SENP2: variants seen among roughly 807,000 people sequenced by gnomAD.
SENP2 encodes sentrin-specific protease 2.
SENP2 carries 16 observed loss-of-function variants against 86.3 expected under a neutral mutation model. That is an observed-to-expected ratio of 0.19 (90% CI 0.13 to 0.28). The LOEUF is 0.28. Ranked by LOEUF, SENP2 falls within the 10% of genes least tolerant of loss-of-function variation. The pLI, the probability that SENP2 is intolerant of heterozygous loss-of-function variation, is 1.00. For missense variants in SENP2, 552 were observed against 703.0 expected (o/e 0.79, Z 2.43); for synonymous variants, 222 against 238.7 (o/e 0.93, Z 0.64).
chr3:185,590,160 C>T lies in SENP2; in HGVS notation c.148C>T (p.Pro50Ser), dbSNP rs1278460749. The change falls in exon 2 of 17, where the codon CCA becomes TCA. Residue 50 changes from proline (P) to serine (S), a missense_variant. Physicochemically the swap from Pro to Ser is moderately conservative, Grantham distance 74. Transcript: ENST00000296257. ...VDTDEIPAKR[P>S]RLDCFIHQVK... ...CACTGATGAAATACCAGCCAAAAGA[C>T]CAAGATTAGGTACTGAATATAAATT... 5.8e-6 allele frequency: 9 copies of T among 1,546,630 alleles called. No individual in the cohort carries two copies. The Admixed American group carries it at 1.7e-4, about 29-fold the overall frequency.
intron 5 of SENP2, 106 bp downstream of exon 5, chr3:185,600,961 C>G: frequency 2.8e-6 from 2 of 705,240 alleles, no homozygotes; most frequent in East Asian, 2.7e-5. Flanking sequence ...GCTAAGCGCT[C>G]TGAGGTTAGT....
At position 185,594,346 on chromosome 3, in the gene SENP2, C is replaced by T. The variant is rs573088961; in HGVS notation, c.158-4066C>T. On this transcript the variant is annotated intron_variant, in intron 2 of 16. Transcript: ENST00000296257. ...AAGGGAATCTAAACCAAAGGGTAAGCGGTGGGTAGCAGAGTTTGTAAAGGC... is the reference window on the plus strand; with the variant it reads ...AAGGGAATCTAAACCAAAGGGTAAGTGGTGGGTAGCAGAGTTTGTAAAGGC... 5.9e-5 allele frequency among the ~76,000 whole-genome samples: 9 copies of T among 152,188 alleles called. No individual in the cohort carries two copies. The South Asian group carries it at 1.0e-3, about 18-fold the overall frequency.
chr3:185,612,154 C>CAA (rs1000368377), intron 8 of SENP2: 51 of 82,218 alleles, frequency 6.2e-4, no homozygotes, highest in East Asian at 1.2e-3. Flanking sequence ...GACTCTGTCT[C>CAA]AAAAAAAAAA....
intron 4 of SENP2, among the ~76,000 whole-genome samples, chr3:185,600,420 G>A (rs989467669): frequency 6.6e-6 from 1 of 152,112 alleles, no homozygotes; most frequent in South Asian, 2.1e-4. Flanking sequence ...CCAAACATAC[G>A]GCTGGTTTGA....
At chr3:185,595,106 A>G (rs1258868463) in intron 2 of SENP2, among the ~76,000 whole-genome samples, 4 of 152,170 alleles carry the variant, frequency 2.6e-5, no homozygotes, top group Non-Finnish European at 2.9e-5. Flanking sequence ...TCTTTTCCCC[A>G]TTTTACAGAT....
At chr3:185,588,616 G>T (rs949695673) in intron 1 of SENP2, among the ~76,000 whole-genome samples, 4 of 152,186 alleles carry the variant, frequency 2.6e-5, no homozygotes, top group Non-Finnish European at 5.9e-5. Context: ...TGATGAGATT[G>T]GTTGTTGGCT....
intron 2 of SENP2, among the ~76,000 whole-genome samples, chr3:185,595,448 T>C (rs1722145984): frequency 1.3e-5 from 2 of 152,184 alleles, no homozygotes; most frequent in Non-Finnish European, 2.9e-5. Context: ...TACTTATAAC[T>C]ATTAGCAAAT....
rs1304495080 is a variant in SENP2, at chr3:185,633,445, T to C, written c.*3601T>C. 6.6e-6 allele frequency: 1 copy of C among 152,226 alleles called. No homozygotes were observed. Among genetic ancestry groups the C allele is most frequent in the African/African-American group, 2.4e-5 (1 of 41,462 alleles). The allele number at this position is 152,226 out of a possible 1,614,324, so 9.4% of individuals were successfully genotyped here. A position where few individuals can be genotyped will look rare whatever the true frequency, so the allele number is the denominator to read the frequency against. The stretch of plus-strand genomic sequence containing the variant: ...GTAGCTGGCTGTAGTATTGCTTTGA[T>C]AATTTTTTTCTTTTAATTTACCTAA... On this transcript the variant is annotated 3_prime_UTR_variant, in exon 17 of 17. Transcript: ENST00000296257.
Position 185,600,769 on chromosome 3 carries a change from T to G in SENP2, c.363T>G (p.Asn121Lys), listed in dbSNP as rs752472233. 1 of 1,591,072 alleles carries G rather than the reference T, an allele frequency of 6.3e-7. No homozygotes were observed. The highest frequency in any genetic ancestry group is 1.3e-5 in the African/African-American group (1 of 74,358). ...ACAAATGCATTTTTTAAATAGGTAA[T>G]AAATCTCCTAATGGAATAAGTGACT... ...GSWNNMLKLGNKSPNGISDYP... is the reference protein window; with the variant it reads ...GSWNNMLKLGKKSPNGISDYP... The change falls in exon 5 of 17, where the codon AAT becomes AAG. Residue 121 changes from asparagine (N) to lysine (K), a missense_variant. Physicochemically the swap from Asn to Lys is moderately conservative, Grantham distance 94. Transcript: ENST00000296257.
intron 2 of SENP2, among the ~76,000 whole-genome samples, chr3:185,590,899 T>C (rs942810776): frequency 4.0e-3 from 364 of 91,558 alleles, no homozygotes; most frequent in East Asian, 7.8e-3. Flanking sequence ...AAAGAAAGTC[T>C]CCTTTTTTTT....
chr3:185,607,120 A>C (rs1722540041), intron 6 of SENP2, among the ~76,000 whole-genome samples: 1 of 151,620 alleles, frequency 6.6e-6, no homozygotes, highest in Non-Finnish European at 1.5e-5. Context: ...TAAAGTATGT[A>C]CGGTAACTAA....
chr3:185,616,775 C>CAAAAA (rs34897313), intron 11 of SENP2, among the ~76,000 whole-genome samples: 3 of 122,078 alleles, frequency 2.5e-5, no homozygotes, highest in South Asian at 2.8e-4. Flanking sequence ...ACTCCGTCTC[C>CAAAAA]AAAAAAAAAA....
At position 185,629,905 on chromosome 3, in the gene SENP2, T is replaced by A; in HGVS notation, c.*61T>A. ...TCTTTCACAGACATTTCCATATACC[T>A]CATGCATTGTGGGTTAAAAAGTCCC... is the stretch of plus-strand genomic sequence containing the variant. On this transcript the variant is annotated 3_prime_UTR_variant, in exon 17 of 17. Transcript: ENST00000296257. 1 of 1,518,052 alleles carries A rather than the reference T, an allele frequency of 6.6e-7. No homozygotes were observed. Among genetic ancestry groups the A allele is most frequent in the South Asian group, 1.1e-5 (1 of 89,022 alleles). The allele number at this position is 1,518,052 out of a possible 1,614,324, so 94.0% of individuals were successfully genotyped here. A position where few individuals can be genotyped will look rare whatever the true frequency, so the allele number is the denominator to read the frequency against.
At chr3:185,623,886 A>G in intron 14 of SENP2, 112 bp from the exon 15 acceptor site, 1 of 486,520 alleles carries the variant, frequency 2.1e-6, no homozygotes, top group Non-Finnish European at 3.5e-6. Context: ...AAGCTAATGA[A>G]TATGGATTTG....
rs779958086 is a variant in SENP2, at chr3:185,598,559, A to T, written c.291+14A>T. 6.2e-7 allele frequency: 1 copy of T among 1,611,948 alleles called. No individual in the cohort carries two copies. The highest frequency in any genetic ancestry group is 1.1e-5 in the South Asian group (1 of 90,980). ...CCTTCAGGAGAGGTCAGTGGGGATG[A>T]GACTCCATTAGGAATACTGATCTTT... On this transcript the variant is annotated intron_variant, in intron 3 of 16. Coordinates refer to ENST00000296257, the MANE Select transcript of SENP2 (RefSeq NM_021627.3).
At chr3:185,608,134 A>G (rs1443243065) in intron 6 of SENP2, among the ~76,000 whole-genome samples, 1 of 152,232 alleles carries the variant, frequency 6.6e-6, no homozygotes, top group Non-Finnish European at 1.5e-5. Context: ...CTAGCAATTC[A>G]AGATTAAATG....
At chr3:185,607,045 C>T (rs1722537320) in intron 6 of SENP2, among the ~76,000 whole-genome samples, 1 of 150,288 alleles carries the variant, frequency 6.7e-6, no homozygotes, top group Non-Finnish European at 1.5e-5. Flanking sequence ...GCAGTGGTGC[C>T]GTCTTGGCTC....
At position 185,600,751 on chromosome 3, in the gene SENP2, C is replaced by T; in HGVS notation, c.359-14C>T. The T allele has an allele frequency of 1.3e-6, 2 of 1,514,560 alleles. No individual in the cohort carries two copies. The highest frequency in any genetic ancestry group is 9.1e-7 in the Non-Finnish European group (1 of 1,095,728). 93.8% of individuals were successfully genotyped at this position (1,514,560 alleles called of 1,614,324 possible). ...ATTTTTCATTTTACAATTACAAATG[C>T]ATTTTTTAAATAGGTAATAAATCTC... is the stretch of plus-strand genomic sequence containing the variant. On this transcript the variant is annotated splice_polypyrimidine_tract_variant and intron_variant, in intron 4 of 16. Coordinates refer to ENST00000296257, the MANE Select transcript of SENP2 (RefSeq NM_021627.3).
chr3:185,621,777 C>A, intron 13 of SENP2, 49 bp from the exon 14 acceptor site: 3 of 1,103,642 alleles, frequency 2.7e-6, no homozygotes, highest in Non-Finnish European at 4.0e-6. Context: ...AAAATTCTCA[C>A]TCCTCTTACA....
Sources: gnomAD v4.1 joint callset for allele counts (sites outside exome capture counted in the v4.1 genomes callset) on GRCh38, gnomAD v4.1.1 for gene constraint, MANE v1.5 for transcripts, NCBI Gene and HGNC (gene_info 2026-07-23, HGNC 2026-07-21) for gene names.